SMYD2: variants seen among roughly 807,000 people sequenced by gnomAD.
SMYD2 encodes SET and MYND domain containing 2.
In SMYD2, 53 loss-of-function variants were observed where a neutral mutation model predicts 59.1. The ratio of observed to expected loss-of-function variants is 0.90; its 90% CI spans 0.72 to 1.13. The LOEUF is 1.13. SMYD2 is among the 50% of genes most tolerant of loss of function. The probability of loss-of-function intolerance (pLI) is 0.00; values close to 1 mark genes in which losing one functional copy is unlikely to be tolerated. For missense variants in SMYD2, 494 were observed against 544.7 expected, an observed-to-expected ratio of 0.91 and a Z score of 0.93; for synonymous variants, 208 against 198.8, an observed-to-expected ratio of 1.05 and a Z score of -0.39.
intron 9 of SMYD2, 79 bp from the exon 10 acceptor site, chr1:214,331,938 CG>C (rs1657361562): frequency 7.2e-7 from 1 of 1,379,738 alleles, no homozygotes; most frequent in Admixed American, 2.4e-5. Context: ...GTGGAGTGGA[CG>C]AAATAACTCC....
chr1:214,288,011 G>A (rs6660726), intron 1 of SMYD2, among the ~76,000 whole-genome samples: 97,417 of 151,974 alleles, frequency 0.64, 31,827 homozygotes, highest in African/African-American at 0.72. Flanking sequence ...GCTTATAGGG[G>A]CTCAGTGACC....
Position 214,331,005 on chromosome 1 carries a change from T to C in SMYD2, c.872T>C (p.Ile291Thr). The C allele has an allele frequency of 6.2e-7, 1 of 1,614,190 alleles. No individual in the cohort carries two copies. Among genetic ancestry groups the C allele is most frequent in the Non-Finnish European group, 8.5e-7 (1 of 1,180,036 alleles). Residue 291 changes from isoleucine (I) to threonine (T), a missense_variant, in exon 9 of 12, where the codon ATC becomes ACC. Ile to Thr is a moderately conservative substitution (Grantham distance 89). Transcript: ENST00000366957. ...KLSDPPKAEA[I>T]RDMVRYARNV... ...AGCGATCCCCCAAAGGCAGAAGCCATCCGAGACATGGTCAGATATGCACGC... is the reference window on the plus strand; with the variant it reads ...AGCGATCCCCCAAAGGCAGAAGCCACCCGAGACATGGTCAGATATGCACGC...
At chr1:214,284,444 G>T (rs141570044) in intron 1 of SMYD2, among the ~76,000 whole-genome samples, 3 of 151,752 alleles carry the variant, frequency 2.0e-5, no homozygotes, top group Non-Finnish European at 4.4e-5. Flanking sequence ...ATTTTTAGTA[G>T]AGACAGGGTT....
At chr1:214,313,252 G>A (rs540099201) in intron 2 of SMYD2, among the ~76,000 whole-genome samples, 1 of 152,222 alleles carries the variant, frequency 6.6e-6, no homozygotes, top group East Asian at 1.9e-4. Flanking sequence ...GAGTAGCTGG[G>A]ACTGCAGGCA....
chr1:214,304,295 A>C (rs1165451474), intron 1 of SMYD2, among the ~76,000 whole-genome samples: 1 of 152,216 alleles, frequency 6.6e-6, no homozygotes, highest in Non-Finnish European at 1.5e-5. Context: ...ACGGCGGCTC[A>C]TGCCTATAAT....
At chr1:214,322,598 G>A (rs1378201310) in intron 5 of SMYD2, among the ~76,000 whole-genome samples, 1 of 152,090 alleles carries the variant, frequency 6.6e-6, no homozygotes, top group East Asian at 1.9e-4. Context: ...TCAAGCCCCT[G>A]CGTTTGGCCC....
chr1:214,307,785 A>G (rs1656937513), intron 2 of SMYD2, among the ~76,000 whole-genome samples: 1 of 152,190 alleles, frequency 6.6e-6, no homozygotes, highest in Non-Finnish European at 1.5e-5. Context: ...CCTCATTTGT[A>G]AGCGTGCAAT....
intron 6 of SMYD2, among the ~76,000 whole-genome samples, 197 bp downstream of exon 6, chr1:214,324,905 C>A (rs1657237894): frequency 6.6e-6 from 1 of 152,154 alleles, no homozygotes; most frequent in South Asian, 2.1e-4. Flanking sequence ...GTTAAGAGAA[C>A]AGTTGCTTGT....
In SMYD2 at chr1:214,318,992, G is replaced by C. The variant is rs750056523; in HGVS notation, c.534+9G>C. 8 of 1,612,374 alleles carry C rather than the reference G, an allele frequency of 5.0e-6. No individual in the cohort carries two copies. Among genetic ancestry groups the C allele is most frequent in the Non-Finnish European group, 6.8e-6 (8 of 1,179,196 alleles). ...TAGTACTCTTTGCACAGGTAAGGACGCTGGCAGCAGGTAACACTCAGTCTG... is the reference window on the plus strand; with the variant it reads ...TAGTACTCTTTGCACAGGTAAGGACCCTGGCAGCAGGTAACACTCAGTCTG... On this transcript the variant is annotated intron_variant, in intron 5 of 11. Transcript: ENST00000366957. The surrounding 1 kb of genome is among the most constrained non-coding windows in gnomAD (Gnocchi z 5.4).
At chr1:214,284,196 A>G (rs1379484307) in intron 1 of SMYD2, among the ~76,000 whole-genome samples, 1 of 150,936 alleles carries the variant, frequency 6.6e-6, no homozygotes, top group African/African-American at 2.4e-5. Context: ...TTATACACAC[A>G]TACACACATA....
rs34049644 is a variant in SMYD2, at chr1:214,284,254, GT to G, written c.173+2850del. ...CCATTTATCACCATTTTTTGGTGTGGTTTTTTTTTTTTTTTTTTTTTTTGAG... is the reference window on the plus strand; with the variant it reads ...CCATTTATCACCATTTTTTGGTGTGGTTTTTTTTTTTTTTTTTTTTTTGAG... On this transcript the variant is annotated intron_variant, in intron 1 of 11. Transcript: ENST00000366957. 1.1e-3 allele frequency among the ~76,000 whole-genome samples: 102 copies of G among 90,354 alleles called. 1 individual carries two copies. In the South Asian group the frequency reaches 0.03, roughly 27 times the overall value. The allele number at this position is 90,354 out of a possible 152,430, so 59.3% of individuals were successfully genotyped here. A position where few individuals can be genotyped will look rare whatever the true frequency, so the allele number is the denominator to read the frequency against.
intron 8 of SMYD2, 81 bp downstream of exon 8, chr1:214,330,359 G>A (rs951086267): frequency 3.0e-5 from 28 of 943,354 alleles, no homozygotes; most frequent in Admixed American, 2.4e-4. Flanking sequence ...CTGACTTGGC[G>A]GATCTCCTCT....
chr1:214,328,915 A>G (rs1657305070), intron 7 of SMYD2, among the ~76,000 whole-genome samples: 1 of 152,204 alleles, frequency 6.6e-6, no homozygotes, highest in African/African-American at 2.4e-5. Context: ...CCCAGGCTCC[A>G]GTGCACCTGT....
At chr1:214,303,743 A>G (rs1487148317) in intron 1 of SMYD2, among the ~76,000 whole-genome samples, 4 of 152,240 alleles carry the variant, frequency 2.6e-5, no homozygotes, top group South Asian at 2.1e-4. Flanking sequence ...AGGATTCTGC[A>G]GCGTGACAAT....
At chr1:214,294,158 C>T (rs1656683816) in intron 1 of SMYD2, among the ~76,000 whole-genome samples, 1 of 152,130 alleles carries the variant, frequency 6.6e-6, no homozygotes, top group South Asian at 2.1e-4. Flanking sequence ...CAGAGAAATA[C>T]AAATGGAATC....
In SMYD2 at chr1:214,331,829, C is replaced by T. The variant is rs908433756; in HGVS notation, c.938-189C>T. The T allele has an allele frequency of 6.7e-6, 4 of 593,122 alleles. No homozygotes were observed. In the African/African-American group the frequency reaches 7.4e-5, roughly 11 times the overall value. 36.7% of individuals were successfully genotyped at this position (593,122 alleles called of 1,614,324 possible). ...AAATTCTTGAGTTGAGCGGTTCCGA[C>T]CTTCAGGTTTTCTTCATTTGTTTTT... On this transcript the variant is annotated intron_variant, in intron 9 of 11. Transcript: ENST00000366957.
At chr1:214,316,952 G>A (rs17022544) in intron 3 of SMYD2, among the ~76,000 whole-genome samples, 4,675 of 152,218 alleles carry the variant, frequency 0.031, 254 homozygotes, top group African/African-American at 0.11. Flanking sequence ...TGGGATCTCC[G>A]CACATCTTGG....
intron 1 of SMYD2, among the ~76,000 whole-genome samples, chr1:214,290,123 G>A (rs775014235): frequency 3.7e-4 from 56 of 152,128 alleles, no homozygotes; most frequent in Non-Finnish European, 7.2e-4. Context: ...TTGCAAAGGC[G>A]TTCACACCAA....
chr1:214,295,365 A>G (rs1015254572), intron 1 of SMYD2, among the ~76,000 whole-genome samples: 2 of 151,748 alleles, frequency 1.3e-5, no homozygotes, highest in African/African-American at 2.4e-5. Context: ...CACAGGCTAA[A>G]TATTTCTCTC....
Sources: allele counts gnomAD v4.1 joint callset (sites outside exome capture counted in the v4.1 genomes callset), GRCh38; gene constraint gnomAD v4.1.1; non-coding constraint Gnocchi (gnomAD v3.1); transcripts MANE v1.5; gene names NCBI Gene and HGNC (gene_info 2026-07-23, HGNC 2026-07-21).